Variants in AKR7A2 observed in about 807,000 individuals in gnomAD.
The protein encoded by AKR7A2 is aldo-keto reductase family 7 member A2.
Under a neutral mutation model 37.3 loss-of-function variants are expected in AKR7A2, and 29 were observed. The observed-to-expected ratio is 0.78, with a 90% CI of 0.58 to 1.06. AKR7A2 has a LOEUF of 1.06. Among genes scored for constraint, AKR7A2 ranks in the 50% least tolerant of loss-of-function variants. The probability of loss-of-function intolerance (pLI) is 0.00; values close to 1 mark genes in which losing one functional copy is unlikely to be tolerated. For missense variants in AKR7A2, 529 were observed against 497.9 expected, an observed-to-expected ratio of 1.06 and a Z score of -0.59; for synonymous variants, 228 against 217.8, an observed-to-expected ratio of 1.05 and a Z score of -0.41.
In AKR7A2 at chr1:19,304,120, C is replaced by CTATTTCTGAAAAAT. The variant is rs2093756807; in HGVS notation, c.*104_*105insATTTTTCAGAAATA. The CTATTTCTGAAAAAT allele has an allele frequency of 6.4e-7, 1 of 1,565,560 alleles. No homozygotes were observed. The highest frequency in any genetic ancestry group is 8.8e-7 in the Non-Finnish European group (1 of 1,137,494). On this transcript the variant is annotated 3_prime_UTR_variant, in exon 7 of 7. Transcript: ENST00000235835. Reference sequence around the variant, plus strand: ...TAGAAAAATAATGCATGGATCTAGACAATTCAGAAAAACCCTTCTAAGTCA... The same window carrying CTATTTCTGAAAAAT: ...TAGAAAAATAATGCATGGATCTAGACTATTTCTGAAAAATAATTCAGAAAAACCCTTCTAAGTCA...
chr1:19,308,103 G>T (rs1366021767), intron 3 of AKR7A2, 55 bp downstream of exon 3: 16 of 1,607,614 alleles, frequency 1.0e-5, no homozygotes, highest in Non-Finnish European at 1.4e-5. Flanking sequence ...GGCAAAGAGA[G>T]CCCAGGATTA....
At chr1:19,309,683 G>C (rs1356387066) in intron 1 of AKR7A2, among the ~76,000 whole-genome samples, 4 of 152,086 alleles carry the variant, frequency 2.6e-5, no homozygotes, top group African/African-American at 9.7e-5. Flanking sequence ...GGAGTACTTT[G>C]GGAGGCTGAG....
intron 3 of AKR7A2, 68 bp downstream of exon 3, chr1:19,308,090 G>A (rs749810562): frequency 3.1e-6 from 5 of 1,594,984 alleles, no homozygotes; most frequent in Non-Finnish European, 4.3e-6. Context: ...GGGCAGTCAG[G>A]GGGGCAAAGA....
chr1:19,307,005 T>C lies in AKR7A2; in HGVS notation c.785A>G (p.Asn262Ser). The C allele has an allele frequency of 1.2e-6, 2 of 1,613,920 alleles. No homozygotes were observed. The highest frequency in any genetic ancestry group is 1.1e-5 in the South Asian group (1 of 91,084). The change falls in exon 5 of 7, where the codon AAT becomes AGT. Residue 262 changes from asparagine (N) to serine (S), a missense_variant. By Grantham distance (46) the Asn-to-Ser change is conservative. Transcript: ENST00000235835. Reference protein sequence around the residue: ...FGNSWAETYRNRFWKEHHFEA... With the variant: ...FGNSWAETYRSRFWKEHHFEA... ...ACCAAGCCCACCCCCGGCTCACCGA[T>C]TCCTGTAGGTCTCAGCCCAGCTATT...
chr1:19,307,412 T>C lies in AKR7A2; in HGVS notation c.592-2A>G. On this transcript the variant is annotated splice_acceptor_variant, in intron 3 of 6. Transcript: ENST00000235835. LOFTEE classifies it high-confidence loss of function. Reference sequence around the variant, plus strand: ...CCGGGTGGTGGCGTTGTACATGCCCTGCAGGGAGAGGGACCCCGGGGACAG... The same window carrying C: ...CCGGGTGGTGGCGTTGTACATGCCCCGCAGGGAGAGGGACCCCGGGGACAG... 6.2e-7 allele frequency: 1 copy of C among 1,614,138 alleles called. No homozygotes were observed. Among genetic ancestry groups the C allele is most frequent in the Non-Finnish European group, 8.5e-7 (1 of 1,179,988 alleles).
chr1:19,312,074 C>A lies in AKR7A2; in HGVS notation c.51G>T (p.Ala17=). The A allele has an allele frequency of 7.4e-7, 1 of 1,352,008 alleles. No individual in the cohort carries two copies. Among genetic ancestry groups the A allele is most frequent in the Non-Finnish European group, 9.4e-7 (1 of 1,060,804 alleles). 83.8% of individuals were successfully genotyped at this position (1,352,008 alleles called of 1,614,324 possible). ...GGGCCTCGGGCGGCGGAGAGCGAAG[C>A]GCGCAGTGGACGGCGGCGCGGGAGA... ...RVVSRAAVHC[A]LRSPPPEARA... is the part of the protein sequence containing the mutation. Residue 17 remains alanine (A), a synonymous_variant, in exon 1 of 7, where the codon GCG becomes GCT. Transcript: ENST00000235835.
At chr1:19,303,034 G>A (rs1479838840), downstream of AKR7A2, among the ~76,000 whole-genome samples, 1 of 152,080 alleles carries the variant, frequency 6.6e-6, no homozygotes, top group Non-Finnish European at 1.5e-5. Flanking sequence ...GTGGTTTGTT[G>A]TGCAAAGATA....
downstream of AKR7A2, chr1:19,303,943 T>G: frequency 2.1e-6 from 1 of 478,368 alleles, no homozygotes; most frequent in African/African-American, 2.0e-5. Context: ...GGAAACAAAG[T>G]GTTAACAGCA....
chr1:19,304,052 C>A lies in AKR7A2; in HGVS notation c.*173G>T, dbSNP rs145371999. The A allele has an allele frequency of 4.2e-5, 46 of 1,101,320 alleles. No homozygotes were observed. The highest frequency in any genetic ancestry group is 5.4e-4 in the Middle Eastern group (2 of 3,704). The allele number at this position is 1,101,320 out of a possible 1,614,324, so 68.2% of individuals were successfully genotyped here. A position where few individuals can be genotyped will look rare whatever the true frequency, so the allele number is the denominator to read the frequency against. On this transcript the variant is annotated 3_prime_UTR_variant, in exon 7 of 7. Transcript: ENST00000235835. ...AAGCGCTCAAGTGGGACTCACCCCC[C>A]ACCTTTCACAGTGTAAAGTGAATAG...
In AKR7A2 at chr1:19,304,269, C is replaced by G. The variant is rs771591756; in HGVS notation, c.1036G>C (p.Ala346Pro). 3 of 1,614,178 alleles carry G rather than the reference C, an allele frequency of 1.9e-6. No homozygotes were observed. The highest frequency in any genetic ancestry group is 2.5e-6 in the Non-Finnish European group (3 of 1,180,034). ...EPAVVDAFNQ[A>P]WHLVAHECPN... is the part of the protein sequence containing the mutation. ...CATTCGTGAGCAACCAAATGCCAGG[C>G]TTGATTAAAGGCATCCACGACAGCC... Residue 346 changes from alanine (A) to proline (P), a missense_variant, in exon 7 of 7, where the codon GCC becomes CCC. Physicochemically the swap from Ala to Pro is conservative, Grantham distance 27. Coordinates refer to ENST00000235835, the MANE Select transcript of AKR7A2 (RefSeq NM_003689.4).
In AKR7A2 at chr1:19,304,115, C is replaced by T; in HGVS notation, c.*110G>A. On this transcript the variant is annotated 3_prime_UTR_variant, in exon 7 of 7. Coordinates refer to ENST00000235835, the MANE Select transcript of AKR7A2 (RefSeq NM_003689.4). ...GAAGCTAGAAAAATAATGCATGGAT[C>T]TAGACAATTCAGAAAAACCCTTCTA... is the stretch of plus-strand genomic sequence containing the variant. 6.5e-7 allele frequency: 1 copy of T among 1,550,376 alleles called. No homozygotes were observed. The highest frequency in any genetic ancestry group is 8.9e-7 in the Non-Finnish European group (1 of 1,124,544).
At chr1:19,308,370 G>T in intron 2 of AKR7A2, 85 bp downstream of exon 2, 2 of 1,594,074 alleles carry the variant, frequency 1.3e-6, no homozygotes, top group African/African-American at 1.3e-5. Flanking sequence ...CCCTGGGACT[G>T]CCCTGGTGCC....
rs1215810510 is a variant in AKR7A2, at chr1:19,307,185, G to T, written c.689-84C>A. 2.7e-5 allele frequency: 43 copies of T among 1,592,432 alleles called. No individual in the cohort carries two copies. The Admixed American group carries it at 6.0e-4, about 22-fold the overall frequency. On this transcript the variant is annotated intron_variant, in intron 4 of 6. Coordinates refer to ENST00000235835, the MANE Select transcript of AKR7A2 (RefSeq NM_003689.4). Reference sequence around the variant, plus strand: ...CTCAGGGCTCTGGTCTAGGGGAGGGGCAGGGACCCAGGAGGGGCTGAAGAA... The same window carrying T: ...CTCAGGGCTCTGGTCTAGGGGAGGGTCAGGGACCCAGGAGGGGCTGAAGAA...
In AKR7A2 at chr1:19,308,779, C is replaced by A. The variant is rs901929270; in HGVS notation, c.299-137G>T. On this transcript the variant is annotated intron_variant, in intron 1 of 6. Transcript: ENST00000235835. ...GGGGTGATAATAATCAAACTGTCCT[C>A]ATTGGGAGGTCCTGGGGATTAAATA... 4 of 859,664 alleles carry A rather than the reference C, an allele frequency of 4.7e-6. No homozygotes were observed. The South Asian group carries it at 5.7e-5, about 12-fold the overall frequency. The allele number at this position is 859,664 out of a possible 1,614,324, so 53.3% of individuals were successfully genotyped here.
At chr1:19,305,190 A>G (rs1039815864) in intron 6 of AKR7A2, 1 of 153,628 alleles carries the variant, frequency 6.5e-6, no homozygotes, top group African/African-American at 2.4e-5. Context: ...CATGACATTC[A>G]ATCTTTTTCT....
At chr1:19,304,657 T>C (rs1458997329) in intron 6 of AKR7A2, among the ~76,000 whole-genome samples, 2 of 152,142 alleles carry the variant, frequency 1.3e-5, no homozygotes, top group Admixed American at 1.3e-4. Context: ...CTAAGTTGGC[T>C]GGGCACAGAG....
At chr1:19,310,298 G>GC (rs2093769815) in intron 1 of AKR7A2, among the ~76,000 whole-genome samples, 1 of 152,166 alleles carries the variant, frequency 6.6e-6, no homozygotes, top group African/African-American at 2.4e-5. Context: ...TGTGCCTCAG[G>GC]CCTGGCCTGA....
In AKR7A2 at chr1:19,304,332, G is replaced by A; in HGVS notation, c.973C>T (p.Gln325Ter). The A allele has an allele frequency of 1.2e-6, 2 of 1,614,112 alleles. No individual in the cohort carries two copies. The highest frequency in any genetic ancestry group is 1.7e-6 in the Non-Finnish European group (2 of 1,180,026). ...LGMSSLEQLE[Q>*]NLAATEEGPL... ...CCTTCCTCTGTTGCTGCCAAGTTCT[G>A]CTCCAGCTGCTCCAGGCTGGACATG... Residue 325 changes from glutamine to a stop codon, truncating the protein, a stop_gained, in exon 7 of 7, where the codon CAG becomes TAG. Transcript: ENST00000235835. LOFTEE classifies it high-confidence loss of function.
Position 19,312,091 on chromosome 1 carries a change from C to T in AKR7A2, c.34G>A (p.Ala12Thr). ...GAGCGAAGCGCGCAGTGGACGGCGG[C>T]GCGGGAGACTACGCGAGACGCGGCA... ...LSAASRVVSR[A>T]AVHCALRSPP... The change falls in exon 1 of 7, where the codon GCC (alanine) becomes ACC (threonine). Residue 12 changes from alanine (A) to threonine (T), a missense_variant. Ala to Thr is a moderately conservative substitution (Grantham distance 58). Transcript: ENST00000235835. 1 of 1,336,472 alleles carries T rather than the reference C, an allele frequency of 7.5e-7. No individual in the cohort carries two copies. The highest frequency in any genetic ancestry group is 2.0e-5 in the South Asian group (1 of 48,812). 82.8% of individuals were successfully genotyped at this position (1,336,472 alleles called of 1,614,324 possible).
Sources: allele counts gnomAD v4.1 joint callset (sites outside exome capture counted in the v4.1 genomes callset), GRCh38; gene constraint gnomAD v4.1.1; transcripts MANE v1.5; gene names NCBI Gene and HGNC (gene_info 2026-07-23, HGNC 2026-07-21).